CFH: variants seen among roughly 807,000 people sequenced by gnomAD.
CFH encodes the protein complement factor H.
Under a neutral mutation model 147.3 loss-of-function variants are expected in CFH, and 53 were observed. That is an observed-to-expected ratio of 0.36 (90% CI 0.29 to 0.45). The LOEUF (loss-of-function observed/expected upper bound fraction) is 0.45. CFH is among the 20% of genes least tolerant of loss of function. The probability of loss-of-function intolerance (pLI) is 1.00; values close to 1 mark genes in which losing one functional copy is unlikely to be tolerated. For synonymous variants in CFH, 536 were observed against 489.4 expected (o/e 1.10, Z -1.26); for missense variants, 1,380 against 1,498.0 (o/e 0.92, Z 1.30).
chr1:196,660,401 A>T (rs1426273144), intron 1 of CFH, among the ~76,000 whole-genome samples: 2 of 152,218 alleles, frequency 1.3e-5, no homozygotes, highest in African/African-American at 4.8e-5. Flanking sequence ...TGGATAAGTA[A>T]AAAGTGAAGT....
intron 9 of CFH, among the ~76,000 whole-genome samples, chr1:196,709,987 C>T (rs1303937296): frequency 6.6e-6 from 1 of 151,820 alleles, no homozygotes; most frequent in African/African-American, 2.4e-5. Flanking sequence ...TCCAGATGGG[C>T]AACAGAGCAA....
At chr1:196,721,818 T>TG in intron 11 of CFH, among the ~76,000 whole-genome samples, 1 of 151,692 alleles carries the variant, frequency 6.6e-6, no homozygotes, top group East Asian at 1.9e-4. Context: ...TCTTGTCTTT[T>TG]TTTTCTTGTT....
chr1:196,652,512 A>G (rs1315737194), intron 1 of CFH, among the ~76,000 whole-genome samples: 1 of 151,920 alleles, frequency 6.6e-6, no homozygotes, highest in East Asian at 1.9e-4. Flanking sequence ...AAAATGTATT[A>G]TGTGAAAGCA....
intron 1 of CFH, among the ~76,000 whole-genome samples, chr1:196,665,374 AAT>A (rs1667045413): frequency 2.7e-5 from 4 of 150,578 alleles, no homozygotes; most frequent in Admixed American, 1.3e-4. Flanking sequence ...TTATAAAATA[AAT>A]ATAATTATAG....
At chr1:196,705,787 T>C (rs2019724) in intron 9 of CFH, among the ~76,000 whole-genome samples, 94,803 of 151,930 alleles carry the variant, frequency 0.62, 30,148 homozygotes, top group East Asian at 0.95. Context: ...ACACACCCCA[T>C]ACTGTGTATG....
chr1:196,738,753 T>A (rs907450716), intron 17 of CFH, among the ~76,000 whole-genome samples: 5 of 152,180 alleles, frequency 3.3e-5, no homozygotes, highest in African/African-American at 9.7e-5. Context: ...TTGATGGATC[T>A]ACCATTCTGG....
At chr1:196,692,387 C>T (rs1162148821) in intron 9 of CFH, 5 of 837,906 alleles carry the variant, frequency 6.0e-6, no homozygotes, top group Non-Finnish European at 5.7e-6. Flanking sequence ...TTAATTGAGG[C>T]TAATAATATG....
intron 1 of CFH, among the ~76,000 whole-genome samples, chr1:196,655,817 T>C (rs1049132554): frequency 1.3e-5 from 2 of 152,130 alleles, no homozygotes; most frequent in African/African-American, 4.8e-5. Flanking sequence ...AAAAAAGTAT[T>C]GCATTTTAGC....
chr1:196,681,949 T>C (rs906204877), intron 6 of CFH, among the ~76,000 whole-genome samples: 10 of 151,696 alleles, frequency 6.6e-5, no homozygotes, highest in African/African-American at 2.4e-4. Context: ...CAAACTCTCT[T>C]TGTTGCTTCT....
intron 9 of CFH, among the ~76,000 whole-genome samples, chr1:196,699,974 T>C (rs1344079870): frequency 3.3e-5 from 5 of 152,144 alleles, no homozygotes; most frequent in Non-Finnish European, 7.3e-5. Context: ...CTTTTTCTGT[T>C]CTTTAGTTAA....
chr1:196,702,022 A>T (rs1188452790), intron 9 of CFH, among the ~76,000 whole-genome samples: 2 of 152,168 alleles, frequency 1.3e-5, no homozygotes, highest in African/African-American at 2.4e-5. Flanking sequence ...ATAATGTTTT[A>T]TGTTGCTTTG....
At chr1:196,721,814 C>CT (rs33956114) in intron 11 of CFH, among the ~76,000 whole-genome samples, 32,284 of 150,658 alleles carry the variant, frequency 0.21, 3,901 homozygotes, top group East Asian at 0.5. Context: ...AACTTCTTGT[C>CT]TTTTTTTTCT....
intron 20 of CFH, 30 bp downstream of exon 20, chr1:196,743,658 G>T (rs1652896515): frequency 5.6e-6 from 9 of 1,613,270 alleles, no homozygotes; most frequent in African/African-American, 1.3e-5. Flanking sequence ...TTAACATTTT[G>T]GGGGAGTATA....
intron 17 of CFH, among the ~76,000 whole-genome samples, chr1:196,739,176 G>T (rs758306301): frequency 2.0e-4 from 30 of 152,116 alleles, no homozygotes; most frequent in Non-Finnish European, 2.9e-4. Context: ...TTCCCTCCTG[G>T]GCTTCTGGGC....
At chr1:196,682,193 A>G (rs1295994460) in intron 6 of CFH, among the ~76,000 whole-genome samples, 1 of 151,758 alleles carries the variant, frequency 6.6e-6, no homozygotes, top group African/African-American at 2.4e-5. Context: ...AAGGAAAGCT[A>G]TCTTTGATCC....
intron 20 of CFH, among the ~76,000 whole-genome samples, chr1:196,743,830 G>A (rs1362735753): frequency 6.6e-6 from 1 of 152,062 alleles, no homozygotes; most frequent in Admixed American, 6.5e-5. Flanking sequence ...CGACCAAATT[G>A]AGAGTTGGAA....
chr1:196,676,655 C>A (rs1667465673), intron 4 of CFH, among the ~76,000 whole-genome samples: 2 of 152,098 alleles, frequency 1.3e-5, no homozygotes, highest in Non-Finnish European at 2.9e-5. Context: ...TAAAAGAAAT[C>A]AACCAGAGTA....
Position 196,692,746 on chromosome 1 carries a change from TTTTCTTTCTTTCTTTCTTTCTTTCTTTC to T in CFH, c.1336+2557_1336+2584del, listed in dbSNP as rs765086697. On this transcript the variant is annotated intron_variant, in intron 9 of 21. Coordinates refer to ENST00000367429, the MANE Select transcript of CFH (RefSeq NM_000186.4). ...TTTCTTTCTCTTTCCCTTCCTTTCT[TTTTCTTTCTTTCTTTCTTTCTTTCTTTC>T]TTTCTTTCTTTCTTTCTTTCTTTCT... Among the ~76,000 whole-genome samples the T allele has an allele frequency of 5.5e-3, 229 of 41,746 alleles. 4 individuals are homozygous for T. The highest frequency in any genetic ancestry group is 0.013 in the South Asian group (11 of 866). 27.4% of individuals were successfully genotyped at this position (41,746 alleles called of 152,430 possible).
Position 196,689,395 on chromosome 1 carries a change from C to A in CFH, c.965-25C>A, listed in dbSNP as rs756966473. The A allele has an allele frequency of 3.8e-6, 6 of 1,598,810 alleles. No individual in the cohort carries two copies. The African/African-American group carries it at 4.1e-5, about 11-fold the overall frequency. On this transcript the variant is annotated intron_variant, in intron 7 of 21. Coordinates refer to ENST00000367429, the MANE Select transcript of CFH (RefSeq NM_000186.4). The stretch of plus-strand genomic sequence containing the variant: ...TTTATTACAGTAAAATTTCTTTATA[C>A]TTTTTTTAAAATTTTTATTGCAAGT...
Sources: gnomAD v4.1 joint callset for allele counts (sites outside exome capture counted in the v4.1 genomes callset) on GRCh38, gnomAD v4.1.1 for gene constraint, MANE v1.5 for transcripts, NCBI Gene and HGNC (gene_info 2026-07-23, HGNC 2026-07-21) for gene names.